The following NUMA1 variants were observed in gnomAD, a reference collection of about 807,000 sequenced individuals.
NUMA1 encodes the protein nuclear mitotic apparatus protein 1.
Under a neutral mutation model 237.1 loss-of-function variants are expected in NUMA1, and 62 were observed. The ratio of observed to expected loss-of-function variants is 0.26; its 90% CI spans 0.21 to 0.32. NUMA1 has a LOEUF of 0.32. Ranked by LOEUF, NUMA1 falls within the 10% of genes least tolerant of loss-of-function variation. The probability of loss-of-function intolerance (pLI) is 1.00; values close to 1 mark genes in which losing one functional copy is unlikely to be tolerated. For synonymous variants in NUMA1, 1,028 were observed against 1,066.1 expected (o/e 0.96, Z 0.70); for missense variants, 2,533 against 2,666.5 (o/e 0.95, Z 1.10).
At chr11:72,042,851 G>A (rs532368455) in intron 2 of NUMA1, among the ~76,000 whole-genome samples, 1 of 152,280 alleles carries the variant, frequency 6.6e-6, no homozygotes, top group South Asian at 2.1e-4. Context: ...AGGGGCCTTG[G>A]CACGACGGCT....
chr11:72,035,911 G>A lies in NUMA1; in HGVS notation c.33C>T (p.Leu11=). ...GAGGAAGACTACTTACCCAAGAGAG[G>A]AGTGCAGCCCCCCGGGTGGCGTGGA... MTLHATRGAA[L]LSWVNSLHVA... Residue 11 remains leucine (L), a synonymous_variant, in exon 3 of 27, where the codon CTC becomes CTT. Transcript: ENST00000393695. 1 of 1,614,014 alleles carries A rather than the reference G, an allele frequency of 6.2e-7. No homozygotes were observed. Among genetic ancestry groups the A allele is most frequent in the Non-Finnish European group, 8.5e-7 (1 of 1,179,928 alleles).
intron 2 of NUMA1, among the ~76,000 whole-genome samples, chr11:72,052,299 C>T (rs1212102841): frequency 2.0e-5 from 3 of 152,082 alleles, no homozygotes; most frequent in East Asian, 1.9e-4. Context: ...ATGGGGAATG[C>T]TTTATAGAGG....
intron 15 of NUMA1, 144 bp downstream of exon 15, chr11:72,012,751 C>A (rs1956239562): frequency 1.7e-6 from 2 of 1,200,760 alleles, no homozygotes; most frequent in Admixed American, 2.7e-5. Context: ...ACTCCACCAG[C>A]CACCTCTCCT....
At position 72,008,995 on chromosome 11, in the gene NUMA1, G is replaced by A. The variant is rs373890469; in HGVS notation, c.5030C>T (p.Thr1677Ile). ...TGCCTCCAGGCTGCGCACCTGGGCAGTAAGGTGGCGGCAGGTCTGTTCAGC... is the reference window on the plus strand; with the variant it reads ...TGCCTCCAGGCTGCGCACCTGGGCAATAAGGTGGCGGCAGGTCTGTTCAGC... Reference protein sequence around the residue: ...KEAEQTCRHLTAQVRSLEAQV... With the variant: ...KEAEQTCRHLIAQVRSLEAQV... Residue 1677 changes from threonine to isoleucine, a missense_variant, in exon 19 of 27, where the codon ACT becomes ATT. Thr to Ile is a moderately conservative substitution (Grantham distance 89). Coordinates refer to ENST00000393695, the MANE Select transcript of NUMA1 (RefSeq NM_006185.4). The A allele has an allele frequency of 1.9e-5, 30 of 1,613,958 alleles. No homozygotes were observed. The African/African-American group carries it at 2.7e-4, about 14-fold the overall frequency.
intron 1 of NUMA1, among the ~76,000 whole-genome samples, chr11:72,079,619 G>A (rs1943947368): frequency 6.6e-6 from 1 of 152,076 alleles, no homozygotes; most frequent in African/African-American, 2.4e-5. Context: ...CAACCCAGTG[G>A]GCTCCCGCCC....
intron 17 of NUMA1, among the ~76,000 whole-genome samples, chr11:72,009,866 G>GT (rs1254853675): frequency 1.3e-5 from 2 of 152,190 alleles, no homozygotes; most frequent in Admixed American, 1.3e-4. Context: ...ATTGACCAGA[G>GT]TAACAGTGAC....
rs775369901 is a variant in NUMA1, at chr11:72,004,099, C to G, written c.6124G>C (p.Ala2042Pro). Reference protein sequence around the residue: ...KKAAPASTKQADRRQSMAFSI... With the variant: ...KKAAPASTKQPDRRQSMAFSI... ...AAGGCCATCGACTGGCGCCGGTCAG[C>G]CTGCAAGGAAGGGCTGTCAGACCGG... Residue 2042 changes from alanine (A) to proline (P), a missense_variant and splice_region_variant, in exon 26 of 27, where the codon GCT becomes CCT. By Grantham distance (27) the Ala-to-Pro change is conservative. This residue lies in a region of NUMA1 where 795 missense variants were observed against 750.8 expected (regional missense o/e 1.06). Coordinates refer to ENST00000393695, the MANE Select transcript of NUMA1 (RefSeq NM_006185.4). 4 of 1,613,082 alleles carry G rather than the reference C, an allele frequency of 2.5e-6. No homozygotes were observed. The highest frequency in any genetic ancestry group is 2.2e-5 in the East Asian group (1 of 44,894).
intron 4 of NUMA1, among the ~76,000 whole-genome samples, chr11:72,026,442 G>A (rs1939597515): frequency 6.6e-6 from 1 of 152,254 alleles, no homozygotes; most frequent in South Asian, 2.1e-4. Context: ...AGACCTCTAA[G>A]TTTTCTGGCA....
At position 72,014,471 on chromosome 11, in the gene NUMA1, T is replaced by C. The variant is rs754281573; in HGVS notation, c.3032A>G (p.Gln1011Arg). Residue 1011 changes from glutamine (Q) to arginine (R), a missense_variant, in exon 15 of 27, where the codon CAG (glutamine) becomes CGG (arginine). By Grantham distance (43) the Gln-to-Arg change is conservative. Transcript: ENST00000393695. This position sits in a 1 kb window ranked among gnomAD's most constrained non-coding sequence, Gnocchi z 4.6. ...QQEREVARLT[Q>R]ERGRAQADLA... is the part of the protein sequence containing the mutation. ...GTCAGCCTGGGCACGGCCCCGCTCC[T>C]GGGTCAGCCGCGCCACCTCCCTTTC... 1.2e-6 allele frequency: 2 copies of C among 1,603,194 alleles called. No homozygotes were observed. The highest frequency in any genetic ancestry group is 1.7e-6 in the Non-Finnish European group (2 of 1,179,958).
In NUMA1 at chr11:72,009,268, C is replaced by G. The variant is rs1442665822; in HGVS notation, c.4839G>C (p.Gln1613His). Residue 1613 changes from glutamine (Q) to histidine (H), a missense_variant and splice_region_variant, in exon 18 of 27, where the codon CAG (glutamine) becomes CAC (histidine). This residue lies in a region of NUMA1 where 795 missense variants were observed against 750.8 expected (regional missense o/e 1.06). Coordinates refer to ENST00000393695, the MANE Select transcript of NUMA1 (RefSeq NM_006185.4). ...CATGGGCTGGGGCTGGGCTCCTTAC[C>G]TGCAGCTTATAGTGCTCAGCTGCCT... Reference protein sequence around the residue: ...KEQAAEHYKLQMEKAKTHYDA... With the variant: ...KEQAAEHYKLHMEKAKTHYDA... 1.2e-6 allele frequency: 2 copies of G among 1,612,504 alleles called. No homozygotes were observed. The highest frequency in any genetic ancestry group is 1.3e-5 in the African/African-American group (1 of 75,030).
chr11:72,037,641 A>G (rs946983618), intron 2 of NUMA1, among the ~76,000 whole-genome samples: 3 of 152,250 alleles, frequency 2.0e-5, no homozygotes, highest in African/African-American at 4.8e-5. Context: ...AAGCACTAAC[A>G]GAAGAAAATA....
At chr11:72,034,144 TC>T (rs557036399) in intron 3 of NUMA1, among the ~76,000 whole-genome samples, 72 of 152,144 alleles carry the variant, frequency 4.7e-4, no homozygotes, top group Admixed American at 9.2e-4. Flanking sequence ...AATGGTTGGC[TC>T]TCCAATTGGC....
chr11:72,014,795 G>A lies in NUMA1; in HGVS notation c.2708C>T (p.Ser903Phe), dbSNP rs749965321. Residue 903 changes from serine (S) to phenylalanine (F), a missense_variant, in exon 15 of 27, where the codon TCC (serine) becomes TTC (phenylalanine). Coordinates refer to ENST00000393695, the MANE Select transcript of NUMA1 (RefSeq NM_006185.4). The surrounding 1 kb of genome is among the most constrained non-coding windows in gnomAD (Gnocchi z 4.6). Reference sequence around the variant, plus strand: ...GGCAGCCATCTTTTCCTGCAGAGTGGAGAGGTCATCTGCAAGCTTCTGGGC... The same window carrying A: ...GGCAGCCATCTTTTCCTGCAGAGTGAAGAGGTCATCTGCAAGCTTCTGGGC... ...VRAQKLADDL[S>F]TLQEKMAATS... 6.2e-6 allele frequency: 10 copies of A among 1,614,070 alleles called. No individual in the cohort carries two copies. The highest frequency in any genetic ancestry group is 1.1e-5 in the South Asian group (1 of 91,088).
rs114211018 is a variant in NUMA1, at chr11:72,054,796, G to C, written c.-33+15046C>G. 6.7e-3 allele frequency among the ~76,000 whole-genome samples: 1,013 copies of C among 152,238 alleles called. 12 individuals carry two copies. The highest frequency in any genetic ancestry group is 0.023 in the African/African-American group (958 of 41,548). On this transcript the variant is annotated intron_variant, in intron 2 of 26. Coordinates refer to ENST00000393695, the MANE Select transcript of NUMA1 (RefSeq NM_006185.4). ...CAGTAACTAATGAAAAATATGATTT[G>C]GGGTTAGAGATAAGGATCTGGGCTC...
intron 2 of NUMA1, chr11:72,042,145 T>A (rs1941720873): frequency 6.6e-6 from 1 of 152,214 alleles, no homozygotes; most frequent in Non-Finnish European, 1.5e-5. Flanking sequence ...AAACAAAAGA[T>A]GTCTGACTCT....
chr11:72,012,236 C>A, intron 16 of NUMA1, 165 bp downstream of exon 16: 1 of 673,534 alleles, frequency 1.5e-6, no homozygotes, highest in South Asian at 1.9e-5. Flanking sequence ...GAGCCCAGCA[C>A]ACCACACTCC....
intron 2 of NUMA1, among the ~76,000 whole-genome samples, chr11:72,064,977 G>A (rs1358195465): frequency 6.6e-6 from 1 of 152,166 alleles, no homozygotes; most frequent in Admixed American, 6.5e-5. Context: ...GTTTGTATAT[G>A]TGTATGTATA....
chr11:72,009,814 C>T (rs1956023627), intron 17 of NUMA1, among the ~76,000 whole-genome samples: 2 of 152,192 alleles, frequency 1.3e-5, no homozygotes, highest in African/African-American at 4.8e-5. Flanking sequence ...GTCACTTCAC[C>T]CTCTTTTCAG....
At chr11:72,020,779 G>A (rs1590937356) in intron 8 of NUMA1, 1 of 153,840 alleles carries the variant, frequency 6.5e-6, no homozygotes, top group East Asian at 1.9e-4. Flanking sequence ...AGGCTAAGCA[G>A]GAGAATTGCT....
Sources: allele counts gnomAD v4.1 joint callset (sites outside exome capture counted in the v4.1 genomes callset), GRCh38; gene constraint gnomAD v4.1.1; regional missense constraint gnomAD v4.1.1; non-coding constraint Gnocchi (gnomAD v3.1); transcripts MANE v1.5; gene names NCBI Gene and HGNC (gene_info 2026-07-23, HGNC 2026-07-21).